GPC5: variants seen among roughly 807,000 people sequenced by gnomAD.
The protein encoded by GPC5 is glypican-5.
Under a neutral mutation model 53.9 loss-of-function variants are expected in GPC5, and 47 were observed. The observed-to-expected ratio is 0.87, with a 90% CI of 0.69 to 1.11. The LOEUF is 1.11. GPC5 is among the 50% of genes most tolerant of loss of function. GPC5 has a pLI of 0.00. For missense variants in GPC5, 748 were observed against 713.1 expected (o/e 1.05, Z -0.56); for synonymous variants, 286 against 263.3 (o/e 1.09, Z -0.84).
At chr13:92,563,853 C>T (rs1185569062) in intron 7 of GPC5, among the ~76,000 whole-genome samples, 6 of 152,034 alleles carry the variant, frequency 3.9e-5, no homozygotes. Context: ...ACATCCTAAA[C>T]ACTTTCATTC....
Position 92,113,352 on chromosome 13 carries a change from A to G in GPC5, c.1402-31478A>G, listed in dbSNP as rs1009499390. 5.3e-5 allele frequency among the ~76,000 whole-genome samples: 8 copies of G among 152,164 alleles called. 1 individual carries two copies. The East Asian group carries it at 1.5e-3, about 29-fold the overall frequency. On this transcript the variant is annotated intron_variant, in intron 6 of 7. Coordinates refer to ENST00000377067, the MANE Select transcript of GPC5 (RefSeq NM_004466.6). ...TCAAAGGGAAAATAAGTGTCTACAT[A>G]TATTCTGTATAACTGTTACAACAAA...
In GPC5 at chr13:92,684,506, C is replaced by T. The variant is rs200076565; in HGVS notation, c.1562-181776C>T. Among the ~76,000 whole-genome samples, 8 of 151,980 alleles carry T rather than the reference C, an allele frequency of 5.3e-5. No individual in the cohort carries two copies. The East Asian group carries it at 5.8e-4, about 11-fold the overall frequency. On this transcript the variant is annotated intron_variant, in intron 7 of 7. Transcript: ENST00000377067. The stretch of plus-strand genomic sequence containing the variant: ...GGCAGGTCTCGAACTCCTGACCTCG[C>T]GATCCACCCACCTCAGCTTCCCAAA...
chr13:92,564,347 G>A (rs1380548257), intron 7 of GPC5, among the ~76,000 whole-genome samples: 1 of 151,880 alleles, frequency 6.6e-6, no homozygotes, highest in Non-Finnish European at 1.5e-5. Context: ...TTATACAATT[G>A]GAGTTTTTCT....
At chr13:92,546,428 GA>G (rs1882115653) in intron 7 of GPC5, among the ~76,000 whole-genome samples, 1 of 152,074 alleles carries the variant, frequency 6.6e-6, no homozygotes, top group Non-Finnish European at 1.5e-5. Context: ...TTGCTTCAAA[GA>G]GAATAAATTA....
intron 6 of GPC5, among the ~76,000 whole-genome samples, chr13:92,127,491 G>A (rs536461100): frequency 4.6e-5 from 7 of 152,194 alleles, no homozygotes; most frequent in African/African-American, 1.4e-4. Context: ...GAACTAAATA[G>A]GGTTCCCCTA....
intron 2 of GPC5, among the ~76,000 whole-genome samples, chr13:91,488,742 G>A (rs1883760213): frequency 6.6e-6 from 1 of 152,172 alleles, no homozygotes; most frequent in Non-Finnish European, 1.5e-5. Context: ...TAGAGCATGT[G>A]TGTTTGAACA....
intron 2 of GPC5, among the ~76,000 whole-genome samples, chr13:91,449,886 G>A (rs1245679352): frequency 2.0e-5 from 3 of 152,074 alleles, no homozygotes; most frequent in African/African-American, 7.2e-5. Flanking sequence ...TGACTAGAAT[G>A]AAAATATCTA....
intron 7 of GPC5, among the ~76,000 whole-genome samples, chr13:92,353,132 C>A: frequency 6.6e-6 from 1 of 151,148 alleles, no homozygotes; most frequent in Non-Finnish European, 1.5e-5. Context: ...CGGTGGCGGG[C>A]GCCTGTAGTC....
chr13:91,890,704 A>G (rs780462285), intron 5 of GPC5, among the ~76,000 whole-genome samples: 1 of 152,226 alleles, frequency 6.6e-6, no homozygotes, highest in Non-Finnish European at 1.5e-5. Context: ...ACAAAGTTTT[A>G]AAAGGTAAAA....
At chr13:91,435,025 G>T (rs1184418801) in intron 1 of GPC5, among the ~76,000 whole-genome samples, 2 of 152,140 alleles carry the variant, frequency 1.3e-5, no homozygotes, top group Non-Finnish European at 1.5e-5. Flanking sequence ...TGTGATTTTT[G>T]CACATTGATT....
intron 7 of GPC5, among the ~76,000 whole-genome samples, chr13:92,592,195 G>A (rs533228108): frequency 1.3e-5 from 2 of 152,330 alleles, no homozygotes; most frequent in South Asian, 4.1e-4. Context: ...CCTCCTAGCT[G>A]AAGTTTGGAG....
At chr13:91,479,088 A>G (rs898318962) in intron 2 of GPC5, among the ~76,000 whole-genome samples, 2 of 150,380 alleles carry the variant, frequency 1.3e-5, no homozygotes, top group Non-Finnish European at 3.0e-5. Context: ...AATTTTTTGT[A>G]TTTTAGTAGA....
At chr13:91,763,437 A>G (rs483826) in intron 5 of GPC5, among the ~76,000 whole-genome samples, 111,319 of 151,946 alleles carry the variant, frequency 0.73, 41,032 homozygotes, top group East Asian at 0.88. Context: ...TGGAATGAGG[A>G]GTAGATCCAC....
chr13:92,566,459 A>C lies in GPC5; in HGVS notation c.1562-299823A>C, dbSNP rs186094570. Among the ~76,000 whole-genome samples the C allele has an allele frequency of 4.5e-3, 686 of 152,244 alleles. 3 individuals carry two copies. Among genetic ancestry groups the C allele is most frequent in the Non-Finnish European group, 7.0e-3 (473 of 68,012 alleles). ...ATATGGAAAATAAGCTGATGCAGTC[A>C]ATTCATTACATCACAGCCCACAGGC... On this transcript the variant is annotated intron_variant, in intron 7 of 7. Coordinates refer to ENST00000377067, the MANE Select transcript of GPC5 (RefSeq NM_004466.6).
chr13:91,637,053 G>A (rs1158918479), intron 2 of GPC5, among the ~76,000 whole-genome samples: 1 of 152,162 alleles, frequency 6.6e-6, no homozygotes, highest in Admixed American at 6.5e-5. Flanking sequence ...TAAAATTAAT[G>A]TGCTGAATTA....
chr13:91,783,826 C>T (rs1465129743), intron 5 of GPC5, among the ~76,000 whole-genome samples: 2 of 152,216 alleles, frequency 1.3e-5, no homozygotes, highest in African/African-American at 4.8e-5. Context: ...CTACTAAAGT[C>T]AATAATTAGC....
chr13:92,571,791 C>A (rs1883031152), intron 7 of GPC5, among the ~76,000 whole-genome samples: 1 of 152,090 alleles, frequency 6.6e-6, no homozygotes, highest in Non-Finnish European at 1.5e-5. Context: ...GTAATCCCAG[C>A]ACTTTGGGAG....
At chr13:91,837,114 C>G (rs2038730466) in intron 5 of GPC5, among the ~76,000 whole-genome samples, 1 of 150,684 alleles carries the variant, frequency 6.6e-6, no homozygotes, top group African/African-American at 2.4e-5. Context: ...ATACATATAT[C>G]TCTCTTACTC....
intron 5 of GPC5, among the ~76,000 whole-genome samples, chr13:91,844,332 A>G (rs7330978): frequency 0.17 from 25,945 of 152,132 alleles, 2,845 homozygotes; most frequent in African/African-American, 0.31. Context: ...TGATTCCCTG[A>G]AAGCTGAGAT....
Sources: gnomAD v4.1 joint callset for allele counts (sites outside exome capture counted in the v4.1 genomes callset) on GRCh38, gnomAD v4.1.1 for gene constraint, MANE v1.5 for transcripts, NCBI Gene and HGNC (gene_info 2026-07-23, HGNC 2026-07-21) for gene names.